ACOT7: variants seen among roughly 807,000 people sequenced by gnomAD.
ACOT7 encodes cytosolic acyl coenzyme A thioester hydrolase.
ACOT7 carries 12 observed loss-of-function variants against 40.2 expected under a neutral mutation model. That is an observed-to-expected ratio of 0.30 (90% CI 0.19 to 0.48). The LOEUF (loss-of-function observed/expected upper bound fraction) is 0.48. ACOT7 is among the 20% of genes least tolerant of loss of function. The probability of loss-of-function intolerance (pLI) is 0.99; values close to 1 mark genes in which losing one functional copy is unlikely to be tolerated. For synonymous variants in ACOT7, 228 were observed against 219.5 expected (o/e 1.04, Z -0.34); for missense variants, 395 against 530.8 (o/e 0.74, Z 2.51).
In ACOT7 at chr1:6,299,394, A is replaced by G. The variant is rs1414033390; in HGVS notation, c.713-4414T>C. On this transcript the variant is annotated intron_variant, in intron 6 of 8. Coordinates refer to ENST00000361521, the MANE Select transcript of ACOT7 (RefSeq NM_007274.4). The surrounding 1 kb of genome is among the most constrained non-coding windows in gnomAD (Gnocchi z 4.1). ...GAAAAATGAAATAACTCAGAACACC[A>G]GGTAACATGCTGGCTGAGAACCCCA... 1.3e-5 allele frequency among the ~76,000 whole-genome samples: 2 copies of G among 152,234 alleles called. No individual in the cohort carries two copies. Among genetic ancestry groups the G allele is most frequent in the Non-Finnish European group, 2.9e-5 (2 of 68,044 alleles).
At chr1:6,390,799 G>C (rs1642520240) in intron 1 of ACOT7, among the ~76,000 whole-genome samples, 1 of 151,248 alleles carries the variant, frequency 6.6e-6, no homozygotes, top group South Asian at 2.1e-4. Flanking sequence ...AGCCAGACAT[G>C]ATGGCGGGTA....
Position 6,274,863 on chromosome 1 carries a change from G to A in ACOT7, c.1014+6239C>T, listed in dbSNP as rs1639143685. 6.6e-6 allele frequency among the ~76,000 whole-genome samples: 1 copy of A among 152,172 alleles called. No homozygotes were observed. Among genetic ancestry groups the A allele is most frequent in the Admixed American group, 6.5e-5 (1 of 15,282 alleles). On this transcript the variant is annotated intron_variant, in intron 8 of 8. Coordinates refer to ENST00000361521, the MANE Select transcript of ACOT7 (RefSeq NM_007274.4). The surrounding 1 kb of genome is among the most constrained non-coding windows in gnomAD (Gnocchi z 5.9). ...TGGGCAGCGCGTTGGGACTCCCAGG[G>A]TTTAGGTTCTTGCACAGAAGGGTTC...
Position 6,358,923 on chromosome 1 carries a change from C to A in ACOT7, c.144-9057G>T. 6.3e-7 allele frequency: 1 copy of A among 1,583,136 alleles called. No individual in the cohort carries two copies. Among genetic ancestry groups the A allele is most frequent in the Non-Finnish European group, 8.6e-7 (1 of 1,164,712 alleles). Reference sequence around the variant, plus strand: ...AGCATCACAGAGTCCTTGCCTGACCCAGGACTGTCCCAGCTCCCTGCCACA... The same window carrying A: ...AGCATCACAGAGTCCTTGCCTGACCAAGGACTGTCCCAGCTCCCTGCCACA... On this transcript the variant is annotated intron_variant, in intron 1 of 8. Transcript: ENST00000361521. The surrounding 1 kb of genome is among the most constrained non-coding windows in gnomAD (Gnocchi z 4.1).
chr1:6,385,710 T>C (rs746718061), intron 1 of ACOT7: 1 of 1,585,028 alleles, frequency 6.3e-7, no homozygotes, highest in Non-Finnish European at 8.6e-7. Flanking sequence ...ACAAGTATGA[T>C]GCCCAGCAGA....
chr1:6,360,595 C>A (rs747418227), intron 1 of ACOT7: 1 of 1,614,190 alleles, frequency 6.2e-7, no homozygotes, highest in Admixed American at 1.7e-5. Flanking sequence ...CCAAAACAGG[C>A]CCTGTCGACT....
chr1:6,353,788 T>C (rs1641662397), intron 1 of ACOT7, among the ~76,000 whole-genome samples: 1 of 152,180 alleles, frequency 6.6e-6, no homozygotes, highest in Non-Finnish European at 1.5e-5. Context: ...GTCTGACATG[T>C]TATTCCTCCC....
At chr1:6,370,034 A>G (rs1642098904) in intron 1 of ACOT7, among the ~76,000 whole-genome samples, 1 of 152,140 alleles carries the variant, frequency 6.6e-6, no homozygotes. Flanking sequence ...CCTAATAGGA[A>G]GTGTTTGGGT....
At chr1:6,385,961 C>T in intron 1 of ACOT7, 1 of 675,820 alleles carries the variant, frequency 1.5e-6, no homozygotes, top group South Asian at 2.5e-5. Context: ...CACCACCCCT[C>T]TGCGGGAGAG....
intron 8 of ACOT7, among the ~76,000 whole-genome samples, chr1:6,268,764 A>G (rs1425038687): frequency 1.3e-5 from 2 of 152,264 alleles, no homozygotes; most frequent in South Asian, 2.1e-4. Context: ...TCTGCCAGCC[A>G]CACGCAGCAG....
Position 6,393,602 on chromosome 1 carries a change from C to T in ACOT7, c.-203G>A. 2.6e-6 allele frequency: 1 copy of T among 384,612 alleles called. No homozygotes were observed. Among genetic ancestry groups the T allele is most frequent in the Non-Finnish European group, 4.2e-6 (1 of 236,360 alleles). The allele number at this position is 384,612 out of a possible 1,614,324, so 23.8% of individuals were successfully genotyped here. ...TGGGGGCCCAGGCAGCCGCCGCTTC[C>T]AGAAGGTTCGGTGGCGGTTGGGCCG... On this transcript the variant is annotated 5_prime_UTR_variant, in exon 1 of 9. Transcript: ENST00000361521.
chr1:6,303,062 T>C (rs1466386798), intron 6 of ACOT7, among the ~76,000 whole-genome samples: 1 of 152,202 alleles, frequency 6.6e-6, no homozygotes, highest in Non-Finnish European at 1.5e-5. Flanking sequence ...GAAGCCACTG[T>C]CTCCCTTTCA....
At chr1:6,269,943 G>C (rs79100377) in intron 8 of ACOT7, among the ~76,000 whole-genome samples, 2 of 152,320 alleles carry the variant, frequency 1.3e-5, no homozygotes, top group Admixed American at 6.5e-5. Flanking sequence ...CCAGGGTGAA[G>C]GTTTATGAAG....
chr1:6,325,215 G>A (rs569519303), intron 5 of ACOT7, among the ~76,000 whole-genome samples: 4 of 152,102 alleles, frequency 2.6e-5, no homozygotes, highest in Admixed American at 1.3e-4. Context: ...TGGCTAATAC[G>A]GTGAAACCCC....
At chr1:6,365,601 C>T (rs928291241) in intron 1 of ACOT7, among the ~76,000 whole-genome samples, 1 of 151,830 alleles carries the variant, frequency 6.6e-6, no homozygotes, top group Non-Finnish European at 1.5e-5. Context: ...AACCCCATCT[C>T]TACTAAAAAA....
Position 6,393,445 on chromosome 1 carries a change from C to A in ACOT7, c.-46G>T. On this transcript the variant is annotated 5_prime_UTR_variant, in exon 1 of 9. Transcript: ENST00000361521. ...GAGCGATGGGGCTGGTGAGGCGGGG[C>A]CTGCGCGCCGGGGGCAATCGAACGC... 9.2e-7 allele frequency: 1 copy of A among 1,090,190 alleles called. No individual in the cohort carries two copies. Among genetic ancestry groups the A allele is most frequent in the Non-Finnish European group, 1.1e-6 (1 of 921,022 alleles). The allele number at this position is 1,090,190 out of a possible 1,614,324, so 67.5% of individuals were successfully genotyped here. A position where few individuals can be genotyped will look rare whatever the true frequency, so the allele number is the denominator to read the frequency against.
intron 4 of ACOT7, among the ~76,000 whole-genome samples, chr1:6,329,294 G>A (rs775531569): frequency 4.5e-4 from 68 of 152,328 alleles, no homozygotes; most frequent in Middle Eastern, 3.4e-3. Flanking sequence ...GAGCTGAAGC[G>A]TTTGTTCAAA....
At chr1:6,385,498 C>T (rs749763389) in intron 1 of ACOT7, 6 of 1,608,364 alleles carry the variant, frequency 3.7e-6, no homozygotes, top group Non-Finnish European at 5.1e-6. Flanking sequence ...TCCTACCTTC[C>T]AGTAATGCAG....
chr1:6,289,221 C>T lies in ACOT7; in HGVS notation c.829+5643G>A, dbSNP rs199976152. 2.3e-4 allele frequency among the ~76,000 whole-genome samples: 35 copies of T among 152,150 alleles called. No homozygotes were observed. The East Asian group carries it at 6.4e-3, about 28-fold the overall frequency. On this transcript the variant is annotated intron_variant, in intron 7 of 8. Transcript: ENST00000361521. The surrounding 1 kb of genome is among the most constrained non-coding windows in gnomAD (Gnocchi z 4.6). ...TTCAAGCGATTCTCCTACCTCAGCC[C>T]CCCGAGTAGCTGGGATTACAGGCGC... is the stretch of plus-strand genomic sequence containing the variant.
At chr1:6,336,916 T>A (rs1307508662) in intron 3 of ACOT7, among the ~76,000 whole-genome samples, 1 of 151,054 alleles carries the variant, frequency 6.6e-6, no homozygotes, top group African/African-American at 2.4e-5. Flanking sequence ...AGTCACAGAG[T>A]GAGACAACAG....
Sources: allele counts gnomAD v4.1 joint callset (sites outside exome capture counted in the v4.1 genomes callset), GRCh38; gene constraint gnomAD v4.1.1; non-coding constraint Gnocchi (gnomAD v3.1); transcripts MANE v1.5; gene names NCBI Gene and HGNC (gene_info 2026-07-23, HGNC 2026-07-21).